The following CFAP44 variants were observed in gnomAD, a reference collection of about 807,000 sequenced individuals.
The protein encoded by CFAP44 is cilia- and flagella-associated protein 44.
Under a neutral mutation model 216.2 loss-of-function variants are expected in CFAP44, and 134 were observed. The ratio of observed to expected loss-of-function variants is 0.62; its 90% CI spans 0.54 to 0.72. The LOEUF is 0.72. Ranked by LOEUF, CFAP44 falls within the 30% of genes least tolerant of loss-of-function variation. The pLI is 0.00. For synonymous variants in CFAP44, 700 were observed against 727.6 expected (o/e 0.96, Z 0.61); for missense variants, 2,035 against 2,182.1 (o/e 0.93, Z 1.34).
At chr3:113,312,756 G>A (rs1950052023) in intron 28 of CFAP44, among the ~76,000 whole-genome samples, 1 of 152,142 alleles carries the variant, frequency 6.6e-6, no homozygotes, top group South Asian at 2.1e-4. Flanking sequence ...CATAGAGGTG[G>A]GGCCATGGCT....
intron 32 of CFAP44, among the ~76,000 whole-genome samples, chr3:113,302,333 T>A (rs1949942846): frequency 6.6e-6 from 1 of 151,546 alleles, no homozygotes; most frequent in South Asian, 2.1e-4. Flanking sequence ...AAAATAGGAA[T>A]GGATTTCTTA....
chr3:113,413,651 G>A (rs1418099825), intron 6 of CFAP44, among the ~76,000 whole-genome samples: 1 of 152,110 alleles, frequency 6.6e-6, no homozygotes, highest in Admixed American at 6.6e-5. Context: ...GCTTGTTTTT[G>A]TCAGGTTTGC....
At chr3:113,374,613 G>T (rs1163430746) in intron 17 of CFAP44, among the ~76,000 whole-genome samples, 1 of 152,010 alleles carries the variant, frequency 6.6e-6, no homozygotes, top group African/African-American at 2.4e-5. Context: ...TAGCCAAAAG[G>T]TGGGAACAAT....
At chr3:113,414,694 A>G (rs1418225939) in intron 6 of CFAP44, among the ~76,000 whole-genome samples, 1 of 152,216 alleles carries the variant, frequency 6.6e-6, no homozygotes, top group Non-Finnish European at 1.5e-5. Flanking sequence ...CCAGCCTTGC[A>G]TACCAGGGAT....
chr3:113,341,606 T>A, intron 24 of CFAP44, 138 bp downstream of exon 24: 1 of 1,025,772 alleles, frequency 9.7e-7, no homozygotes, highest in Non-Finnish European at 1.3e-6. Flanking sequence ...CTGTTTATAA[T>A]ATCTCCTTCT....
At chr3:113,435,858 CGTGTGTGT>C (rs59468932) in intron 1 of CFAP44, among the ~76,000 whole-genome samples, 6,154 of 147,846 alleles carry the variant, frequency 0.042, 146 homozygotes, top group East Asian at 0.1. Context: ...AGTGTATGTA[CGTGTGTGT>C]GTGTGTGTGT....
intron 15 of CFAP44, among the ~76,000 whole-genome samples, chr3:113,392,527 T>C (rs1933871624): frequency 6.6e-6 from 1 of 152,156 alleles, no homozygotes; most frequent in Non-Finnish European, 1.5e-5. Context: ...CAATAATAAC[T>C]TATTGCACAT....
chr3:113,332,370 T>C (rs1037811561), intron 25 of CFAP44, among the ~76,000 whole-genome samples: 3 of 152,212 alleles, frequency 2.0e-5, no homozygotes, highest in African/African-American at 7.2e-5. Flanking sequence ...GCCAGGACCC[T>C]TGTGCTGCTG....
At position 113,380,963 on chromosome 3, in the gene CFAP44, G is replaced by A. The variant is rs1307500933; in HGVS notation, c.1988C>T (p.Ser663Phe). 6.3e-7 allele frequency: 1 copy of A among 1,596,644 alleles called. No homozygotes were observed. The highest frequency in any genetic ancestry group is 1.7e-5 in the Admixed American group (1 of 58,324). The part of the protein sequence containing the change: ...KQEEDDHDVV[S>F]YEIKDMCIKC... ...TATGCACATGTCTTTGATTTCATAG[G>A]AGACTACATCATGATCATCCTCTTC... The change falls in exon 16 of 35, where the codon TCC becomes TTC. Residue 663 changes from serine to phenylalanine, a missense_variant. Coordinates refer to ENST00000393845, the MANE Select transcript of CFAP44 (RefSeq NM_001164496.2).
chr3:113,401,816 A>ATT, intron 9 of CFAP44, 77 bp from the exon 10 acceptor site: 5 of 1,424,670 alleles, frequency 3.5e-6, no homozygotes, highest in Non-Finnish European at 1.9e-6. Context: ...AAAAACCCTG[A>ATT]TTTTTTTTTC....
chr3:113,424,726 G>GAAAATGTTT (rs1283742339), intron 4 of CFAP44, among the ~76,000 whole-genome samples: 2 of 152,118 alleles, frequency 1.3e-5, no homozygotes, highest in African/African-American at 4.8e-5. Flanking sequence ...TCCTGGTGTT[G>GAAAATGTTT]AAAATGTTTA....
intron 23 of CFAP44, among the ~76,000 whole-genome samples, chr3:113,342,837 T>TTA (rs1553754834): frequency 3.5e-5 from 5 of 141,034 alleles, no homozygotes; most frequent in Admixed American, 7.1e-5. Flanking sequence ...TAAAAATACA[T>TTA]AAAAAAAAAA....
chr3:113,365,813 C>CT (rs1950581835), intron 19 of CFAP44, among the ~76,000 whole-genome samples: 1 of 151,874 alleles, frequency 6.6e-6, no homozygotes, highest in African/African-American at 2.4e-5. Flanking sequence ...CTGACACATT[C>CT]TTTTTTAATC....
chr3:113,412,010 G>T (rs1178213132), intron 6 of CFAP44, among the ~76,000 whole-genome samples: 3 of 152,060 alleles, frequency 2.0e-5, no homozygotes, highest in Non-Finnish European at 4.4e-5. Flanking sequence ...CTTTGCTGAA[G>T]TTGCTTATCA....
rs1314136645 is a variant in CFAP44 at position 113,286,998 on chromosome 3, T to A, written c.*4559A>T. 6 of 968,844 alleles carry A rather than the reference T, an allele frequency of 6.2e-6. No individual in the cohort carries two copies. The highest frequency in any genetic ancestry group is 9.4e-6 in the Non-Finnish European group (6 of 639,690). 60.0% of individuals were successfully genotyped at this position (968,844 alleles called of 1,614,324 possible). A position where few individuals can be genotyped will look rare whatever the true frequency, so the allele number is the denominator to read the frequency against. ...ATATATTTATGCACTTGTAAATAAA[T>A]GTATATGTTTTATAATTCTGGAGAG... On this transcript the variant is annotated 3_prime_UTR_variant, in exon 35 of 35. Coordinates refer to ENST00000393845, the MANE Select transcript of CFAP44 (RefSeq NM_001164496.2).
intron 24 of CFAP44, among the ~76,000 whole-genome samples, chr3:113,335,775 C>T (rs968758305): frequency 2.6e-5 from 4 of 152,278 alleles, no homozygotes; most frequent in African/African-American, 9.6e-5. Flanking sequence ...CCAAGCAATG[C>T]AAGAAAGCAT....
At chr3:113,293,979 G>A (rs1167578911) in intron 34 of CFAP44, 1 of 456,650 alleles carries the variant, frequency 2.2e-6, no homozygotes, top group Admixed American at 2.3e-5. Flanking sequence ...AGGTGATGCT[G>A]ATGCTCTTCT....
chr3:113,401,149 A>T (rs1368439293), intron 11 of CFAP44, 91 bp downstream of exon 11: 34 of 1,224,772 alleles, frequency 2.8e-5, no homozygotes, highest in Non-Finnish European at 3.8e-5. Flanking sequence ...CCATGATGAA[A>T]TATGGAGAAA....
chr3:113,427,475 AT>A, intron 2 of CFAP44, 136 bp from the exon 3 acceptor site: 1 of 635,984 alleles, frequency 1.6e-6, no homozygotes, highest in Non-Finnish European at 2.6e-6. Context: ...TAGAAGAATC[AT>A]TTTATTTGGT....
Sources: allele counts gnomAD v4.1 joint callset (sites outside exome capture counted in the v4.1 genomes callset), GRCh38; gene constraint gnomAD v4.1.1; transcripts MANE v1.5; gene names NCBI Gene and HGNC (gene_info 2026-07-23, HGNC 2026-07-21).